Variants in DNAH9 observed in about 807,000 individuals in gnomAD.
The protein encoded by DNAH9 is dynein axonemal heavy chain 9, also known as DNAH9 variant protein.
A neutral mutation model predicts 471.6 loss-of-function variants in DNAH9; 345 were observed. That is an observed-to-expected ratio of 0.73 (90% confidence interval 0.67 to 0.80). The LOEUF (loss-of-function observed/expected upper bound fraction) is 0.80, where lower values mean the gene tolerates loss of function less well. DNAH9 is among the 30% of genes least tolerant of loss of function. DNAH9 has a pLI of 0.00. For synonymous variants in DNAH9, 2,093 were observed against 2,123.6 expected (o/e 0.99, Z 0.40); for missense variants, 5,407 against 5,609.2 (o/e 0.96, Z 1.15).
rs1463019030 is a variant in DNAH9 at position 11,747,723 on chromosome 17, G to A, written c.6567G>A (p.Glu2189=). ...DLNPKAVTND[E]LFGIINPATG... ...ATCCCAAAGCAGTCACAAATGATGAGCTCTTTGGCATCATCAATCCAGCCA... is the reference window on the plus strand; with the variant it reads ...ATCCCAAAGCAGTCACAAATGATGAACTCTTTGGCATCATCAATCCAGCCA... Residue 2189 remains glutamate, a synonymous_variant, in exon 32 of 69, where the codon GAG becomes GAA. Coordinates refer to ENST00000262442, the MANE Select transcript of DNAH9 (RefSeq NM_001372.4). The A allele has an allele frequency of 2.5e-6, 4 of 1,614,132 alleles. No individual in the cohort carries two copies. In the South Asian group the frequency reaches 4.4e-5, roughly 18 times the overall value.
Position 11,757,034 on chromosome 17 carries a change from AT to A in DNAH9, c.6847+368del, listed in dbSNP as rs199897178. Among the ~76,000 whole-genome samples the A allele has an allele frequency of 2.6e-3, 397 of 150,526 alleles. 1 individual carries two copies. The highest frequency in any genetic ancestry group is 9.0e-3 in the Admixed American group (136 of 15,110). The stretch of plus-strand genomic sequence containing the variant: ...CAAATTTATTAACAGAGACTGGAAG[AT>A]TTTTTTTTTAATTGTGTGGCAAAAT... On this transcript the variant is annotated intron_variant, in intron 34 of 68. Transcript: ENST00000262442.
At chr17:11,640,042 G>A (rs1428008405) in intron 9 of DNAH9, among the ~76,000 whole-genome samples, 1 of 152,184 alleles carries the variant, frequency 6.6e-6, no homozygotes, top group East Asian at 1.9e-4. Flanking sequence ...AATGAAATCA[G>A]AATAGCTTGG....
chr17:11,739,943 G>A lies in DNAH9; in HGVS notation c.5972+906G>A, dbSNP rs191116782. On this transcript the variant is annotated intron_variant, in intron 29 of 68. Transcript: ENST00000262442. ...CTCATAAACACAGTGCTGTCTGTCC[G>A]GAGAGGTTGTCAACACTTTACTGGA... Among the ~76,000 whole-genome samples the A allele has an allele frequency of 1.2e-4, 18 of 152,212 alleles. No individual in the cohort carries two copies. In the East Asian group the frequency reaches 3.3e-3, roughly 28 times the overall value.
chr17:11,912,883 G>A (rs866047635), intron 61 of DNAH9, among the ~76,000 whole-genome samples: 7 of 151,998 alleles, frequency 4.6e-5, no homozygotes, highest in Middle Eastern at 6.8e-3. Context: ...TAAAGATTTT[G>A]TAGGCCAGGC....
chr17:11,757,899 G>C (rs1347226483), intron 35 of DNAH9, among the ~76,000 whole-genome samples: 1 of 152,200 alleles, frequency 6.6e-6, no homozygotes, highest in Admixed American at 6.5e-5. Context: ...AGTGAGGTGA[G>C]TGAAGGGGAG....
chr17:11,851,977 A>G (rs1971438686), intron 49 of DNAH9, among the ~76,000 whole-genome samples: 1 of 152,102 alleles, frequency 6.6e-6, no homozygotes, highest in African/African-American at 2.4e-5. Context: ...CTTTGGTTAC[A>G]TTTGTATTTT....
intron 48 of DNAH9, among the ~76,000 whole-genome samples, chr17:11,829,538 C>A (rs7219921): frequency 6.6e-6 from 1 of 152,038 alleles, no homozygotes; most frequent in African/African-American, 2.4e-5. Flanking sequence ...GTGGCCTGAT[C>A]TTGGCTCACT....
rs759964790 is a variant in DNAH9, at chr17:11,874,982, C to T, written c.10276C>T (p.Leu3426=). ...PIPVTPALDP[L]RMLMDDADVA... ...TCCAGTCACCCCAGCCCTGGATCCC[C>T]TGAGGATGCTGATGGATGATGCTGA... The change falls in exon 53 of 69, where the codon CTG becomes TTG. Residue 3426 remains leucine, a synonymous_variant. Coordinates refer to ENST00000262442, the MANE Select transcript of DNAH9 (RefSeq NM_001372.4). The T allele has an allele frequency of 3.1e-6, 5 of 1,614,116 alleles. No homozygotes were observed. The Admixed American group carries it at 6.7e-5, about 22-fold the overall frequency.
At position 11,768,640 on chromosome 17, in the gene DNAH9, A is replaced by G. The variant is rs376347627; in HGVS notation, c.7344+14A>G. ...ATGCCCTTGCAGGTGAGTGCAGCTGAGCAGCCGAGGACGTGCGTGCAGTTG... is the reference window on the plus strand; with the variant it reads ...ATGCCCTTGCAGGTGAGTGCAGCTGGGCAGCCGAGGACGTGCGTGCAGTTG... On this transcript the variant is annotated intron_variant, in intron 37 of 68. Transcript: ENST00000262442. 4.0e-5 allele frequency: 65 copies of G among 1,611,870 alleles called. No homozygotes were observed. In the Admixed American group the frequency reaches 4.7e-4, roughly 12 times the overall value.
intron 50 of DNAH9, among the ~76,000 whole-genome samples, chr17:11,860,257 C>A (rs1971795121): frequency 6.6e-6 from 1 of 152,188 alleles, no homozygotes; most frequent in South Asian, 2.1e-4. Flanking sequence ...CTTTCTCTTG[C>A]ATTAGTTCCT....
intron 59 of DNAH9, among the ~76,000 whole-genome samples, chr17:11,895,311 T>C (rs982687572): frequency 2.0e-5 from 3 of 152,188 alleles, no homozygotes; most frequent in East Asian, 3.9e-4. Context: ...ATGCAGGCAG[T>C]TGAGTGAACA....
chr17:11,844,205 T>G (rs1223648694), intron 49 of DNAH9, among the ~76,000 whole-genome samples: 2 of 152,064 alleles, frequency 1.3e-5, no homozygotes, highest in Non-Finnish European at 2.9e-5. Context: ...AGAAAAGGAC[T>G]GTTAAATGTG....
At chr17:11,701,343 T>C in intron 24 of DNAH9, 96 bp downstream of exon 24, 1 of 1,388,190 alleles carries the variant, frequency 7.2e-7, no homozygotes, top group Non-Finnish European at 1.0e-6. Context: ...TCAGGCTGGC[T>C]GCATGCTTCA....
intron 67 of DNAH9, among the ~76,000 whole-genome samples, chr17:11,949,246 G>A (rs932028598): frequency 2.0e-5 from 3 of 152,208 alleles, no homozygotes; most frequent in Admixed American, 6.5e-5. Context: ...CACCCAGCCT[G>A]TAGTTCTCCC....
At position 11,735,800 on chromosome 17, in the gene DNAH9, A is replaced by G. The variant is rs115426449; in HGVS notation, c.5815-3080A>G. 9.4e-3 allele frequency among the ~76,000 whole-genome samples: 1,435 copies of G among 152,312 alleles called. 38 individuals are homozygous for G. The highest frequency in any genetic ancestry group is 0.033 in the African/African-American group (1,378 of 41,556). On this transcript the variant is annotated intron_variant, in intron 28 of 68. Coordinates refer to ENST00000262442, the MANE Select transcript of DNAH9 (RefSeq NM_001372.4). ...GCCTCTAAATTATAACAAACATGAT[A>G]GTTTTCAAAGTAAAACAAATTGCTC...
At chr17:11,896,859 G>A (rs1000828371) in intron 59 of DNAH9, among the ~76,000 whole-genome samples, 1 of 152,228 alleles carries the variant, frequency 6.6e-6, no homozygotes. Flanking sequence ...GGGAGGCCAA[G>A]GTGGGCGGAT....
intron 45 of DNAH9, among the ~76,000 whole-genome samples, chr17:11,812,718 A>T (rs1432198541): frequency 2.0e-5 from 3 of 152,048 alleles, no homozygotes; most frequent in Non-Finnish European, 4.4e-5. Flanking sequence ...AGTTAGCTTT[A>T]TATCAGAGAG....
intron 6 of DNAH9, among the ~76,000 whole-genome samples, chr17:11,624,366 G>A (rs757170429): frequency 1.5e-4 from 23 of 152,040 alleles, no homozygotes; most frequent in Non-Finnish European, 1.0e-4. Context: ...AAAATTAGCC[G>A]GGCATGGCGG....
intron 50 of DNAH9, among the ~76,000 whole-genome samples, chr17:11,857,508 C>T (rs1971667382): frequency 6.6e-6 from 1 of 152,172 alleles, no homozygotes. Flanking sequence ...TCCAATCTCA[C>T]ATACACACAC....
Sources: allele counts gnomAD v4.1 joint callset (sites outside exome capture counted in the v4.1 genomes callset), GRCh38; gene constraint gnomAD v4.1.1; transcripts MANE v1.5; gene names NCBI Gene and HGNC (gene_info 2026-07-23, HGNC 2026-07-21).